PCDHGA5: variants seen among roughly 807,000 people sequenced by gnomAD.
PCDHGA5 encodes protocadherin gamma-A5.
In PCDHGA5, 36 loss-of-function variants were observed where a neutral mutation model predicts 56.7. That is an observed-to-expected ratio of 0.64 (90% confidence interval 0.49 to 0.84). The LOEUF (loss-of-function observed/expected upper bound fraction) is 0.84. Among genes scored for constraint, PCDHGA5 ranks in the 40% least tolerant of loss-of-function variants. The pLI is 0.00. For synonymous variants in PCDHGA5, 563 were observed against 520.2 expected, an observed-to-expected ratio of 1.08 and a Z score of -1.12; for missense variants, 1,305 against 1,201.5, an observed-to-expected ratio of 1.09 and a Z score of -1.27.
rs751145850 is a variant in PCDHGA5 at position 141,432,148 on chromosome 5, G to A, written c.2422-62659G>A. The A allele has an allele frequency of 6.1e-5, 99 of 1,613,884 alleles. No individual in the cohort carries two copies. The Admixed American group carries it at 1.5e-3, about 24-fold the overall frequency. On this transcript the variant is annotated intron_variant, in intron 1 of 3. Transcript: ENST00000518069. The surrounding 1 kb of genome is among the most constrained non-coding windows in gnomAD (Gnocchi z 6.0). ...CCTCCTATTCCGCTTATATCCCAGA[G>A]AACAATCCCAGAGGAGTTTCCCTCG...
In PCDHGA5 at chr5:141,398,596, G is replaced by A. The variant is rs201846904; in HGVS notation, c.2421+31845G>A. 1,173 of 1,614,034 alleles carry A rather than the reference G, an allele frequency of 7.3e-4. 1 individual carries two copies. Among genetic ancestry groups the A allele is most frequent in the Non-Finnish European group, 9.3e-4 (1,101 of 1,179,898 alleles). ...TGGCACAAGATTTATACTAGAAGTA[G>A]CAGAAGATGCAGATATTGGCTTAAA... is the stretch of plus-strand genomic sequence containing the variant. On this transcript the variant is annotated intron_variant, in intron 1 of 3. Transcript: ENST00000518069.
chr5:141,419,660 A>C (rs759082983), intron 1 of PCDHGA5: 1 of 1,612,798 alleles, frequency 6.2e-7, no homozygotes, highest in Admixed American at 1.7e-5. Context: ...CTCGGGGCAC[A>C]ATGCCTGGCT....
intron 2 of PCDHGA5, among the ~76,000 whole-genome samples, chr5:141,496,839 AG>A (rs2099771805): frequency 1.3e-5 from 2 of 151,484 alleles, no homozygotes; most frequent in African/African-American, 4.9e-5. Context: ...CAGAACTCAT[AG>A]GCTTCCAGAC....
At chr5:141,408,932 A>C in intron 1 of PCDHGA5, 1 of 1,613,594 alleles carries the variant, frequency 6.2e-7, no homozygotes, top group South Asian at 1.1e-5. Context: ...GGTTTTCAGC[A>C]GAGACGAATA....
intron 1 of PCDHGA5, among the ~76,000 whole-genome samples, chr5:141,380,646 A>T (rs1221627488): frequency 6.6e-6 from 1 of 152,256 alleles, no homozygotes; most frequent in Non-Finnish European, 1.5e-5. Context: ...AATGCTAGAG[A>T]CAATGAAGCC....
In PCDHGA5 at chr5:141,511,555, C is replaced by T; in HGVS notation, c.*382C>T. 1 of 305,302 alleles carries T rather than the reference C, an allele frequency of 3.3e-6. No individual in the cohort carries two copies. Among genetic ancestry groups the T allele is most frequent in the South Asian group, 3.6e-5 (1 of 28,078 alleles). 18.9% of individuals were successfully genotyped at this position (305,302 alleles called of 1,614,324 possible). ...CCTCCCCACCCCACTCCAACAGTTC[C>T]TCTTTCCCGAGTAAGGTGGTTGGGG... On this transcript the variant is annotated 3_prime_UTR_variant, in exon 4 of 4. Coordinates refer to ENST00000518069, the MANE Select transcript of PCDHGA5 (RefSeq NM_018918.3).
chr5:141,505,284 G>A, intron 2 of PCDHGA5, 109 bp from the exon 3 acceptor site: 1 of 1,548,402 alleles, frequency 6.5e-7, no homozygotes. Flanking sequence ...CAGGTCTTGG[G>A]CATGGGGTAG....
At chr5:141,399,987 A>T in intron 1 of PCDHGA5, 1 of 1,612,224 alleles carries the variant, frequency 6.2e-7, no homozygotes, top group Non-Finnish European at 8.5e-7. Flanking sequence ...TGCGCACAGG[A>T]GAGGTGCGCA....
chr5:141,393,356 C>G (rs1174239790), intron 1 of PCDHGA5: 3 of 1,613,978 alleles, frequency 1.9e-6, no homozygotes, highest in East Asian at 2.2e-5. Context: ...TCTCCCTGGA[C>G]GTGCAGACTG....
intron 1 of PCDHGA5, among the ~76,000 whole-genome samples, chr5:141,397,505 T>A (rs2093531906): frequency 6.6e-6 from 1 of 152,158 alleles, no homozygotes; most frequent in South Asian, 2.1e-4. Context: ...ATGATAAAAT[T>A]GTTTCCATAG....
intron 1 of PCDHGA5, chr5:141,430,905 C>T: frequency 6.2e-7 from 1 of 1,606,922 alleles, no homozygotes; most frequent in Non-Finnish European, 8.5e-7. Context: ...GGCGACATCT[C>T]CAGGGACCTG....
intron 3 of PCDHGA5, among the ~76,000 whole-genome samples, chr5:141,507,617 C>T (rs1366723844): frequency 6.6e-6 from 1 of 152,278 alleles, no homozygotes; most frequent in African/African-American, 2.4e-5. Context: ...GTATATTTAG[C>T]TGTTGTGGCC....
chr5:141,476,318 G>T lies in PCDHGA5; in HGVS notation c.2422-18489G>T. 3 of 1,614,202 alleles carry T rather than the reference G, an allele frequency of 1.9e-6. No homozygotes were observed. The highest frequency in any genetic ancestry group is 2.5e-6 in the Non-Finnish European group (3 of 1,180,052). The stretch of plus-strand genomic sequence containing the variant: ...TAGCCTCTCAGCCCGCAGGTTCCGG[G>T]TGGTGTCTGGAGCTAGCCGAAGATT... On this transcript the variant is annotated intron_variant, in intron 1 of 3. Transcript: ENST00000518069. This position sits in a 1 kb window ranked among gnomAD's most constrained non-coding sequence, Gnocchi z 7.6.
chr5:141,400,352 G>A (rs1214813312), intron 1 of PCDHGA5: 2 of 1,614,044 alleles, frequency 1.2e-6, no homozygotes, highest in Non-Finnish European at 1.7e-6. Flanking sequence ...TACAGTCAGG[G>A]GACTTTGCCT....
intron 1 of PCDHGA5, chr5:141,393,269 T>C (rs1481759237): frequency 1.2e-6 from 2 of 1,613,832 alleles, no homozygotes; most frequent in Non-Finnish European, 1.7e-6. Flanking sequence ...GAGCACGTTA[T>C]CCACTCCCAG....
At chr5:141,409,626 G>A (rs776642148) in intron 1 of PCDHGA5, 13 of 1,613,760 alleles carry the variant, frequency 8.1e-6, no homozygotes, top group Non-Finnish European at 5.1e-6. Flanking sequence ...GCGCAAGTGA[G>A]CGCCTCTGAC....
chr5:141,454,893 C>T (rs1414320972), intron 1 of PCDHGA5, among the ~76,000 whole-genome samples: 7 of 146,892 alleles, frequency 4.8e-5, no homozygotes, highest in Admixed American at 1.4e-4. Flanking sequence ...CTGCTAGCAC[C>T]GCCTCCCGGG....
intron 1 of PCDHGA5, among the ~76,000 whole-genome samples, chr5:141,444,242 G>A (rs964582042): frequency 7.5e-6 from 1 of 133,896 alleles, no homozygotes; most frequent in Non-Finnish European, 1.5e-5. Flanking sequence ...CATGCTCTCG[G>A]CTCACTGCAA....
At chr5:141,371,426 C>T (rs1210982594) in intron 1 of PCDHGA5, 34 of 1,613,774 alleles carry the variant, frequency 2.1e-5, no homozygotes, top group Non-Finnish European at 2.7e-5. Flanking sequence ...ATGACAATGC[C>T]CCGGAGATAA....
Sources: allele counts gnomAD v4.1 joint callset (sites outside exome capture counted in the v4.1 genomes callset), GRCh38; gene constraint gnomAD v4.1.1; non-coding constraint Gnocchi (gnomAD v3.1); transcripts MANE v1.5; gene names NCBI Gene and HGNC (gene_info 2026-07-23, HGNC 2026-07-21).